The following MUC20 variants were observed in gnomAD, a reference collection of about 807,000 sequenced individuals.
MUC20 encodes the protein mucin 20, cell surface associated.
In MUC20, 14 loss-of-function variants were observed where a neutral mutation model predicts 23.8. That is an observed-to-expected ratio of 0.59 (90% CI 0.39 to 0.92). The LOEUF (loss-of-function observed/expected upper bound fraction) is 0.92. MUC20 is among the 40% of genes least tolerant of loss of function. MUC20 has a pLI of 0.00. For missense variants in MUC20, 375 were observed against 668.8 expected (o/e 0.56, Z 4.85); for synonymous variants, 166 against 279.3 (o/e 0.59, Z 4.04).
chr3:195,722,106 CACCAGAGTGGCA>C (rs1274958208), intron 1 of MUC20: 1 of 379,008 alleles, frequency 2.6e-6, no homozygotes, highest in Non-Finnish European at 3.6e-6. Context: ...CAGCGTCCCC[CACCAGAGTGGCA>C]CATTTGATAG....
chr3:195,728,660 A>T (rs1238333468), intron 2 of MUC20, among the ~76,000 whole-genome samples: 4 of 151,772 alleles, frequency 2.6e-5, no homozygotes, highest in African/African-American at 7.3e-5. Context: ...TTACTAATCC[A>T]CCTCAGCACA....
chr3:195,728,639 G>C, intron 2 of MUC20, among the ~76,000 whole-genome samples: 1 of 52,216 alleles, frequency 1.9e-5, no homozygotes, highest in Non-Finnish European at 5.5e-5. Context: ...ACTGCAAGAG[G>C]AGATCCTCTT....
At chr3:195,726,668 A>C in intron 2 of MUC20, 96 bp downstream of exon 2, 1 of 1,408,166 alleles carries the variant, frequency 7.1e-7, no homozygotes, top group South Asian at 1.4e-5. Flanking sequence ...AAGGATCTGG[A>C]GCCTACTCAG....
intron 2 of MUC20, among the ~76,000 whole-genome samples, chr3:195,727,697 A>C (rs774941945): frequency 4.6e-5 from 7 of 152,294 alleles, no homozygotes; most frequent in Non-Finnish European, 8.8e-5. Flanking sequence ...TTTCACACCC[A>C]GTAAGCACTG....
intron 2 of MUC20, among the ~76,000 whole-genome samples, chr3:195,728,960 G>T (rs1450360760): frequency 6.6e-6 from 1 of 152,276 alleles, no homozygotes; most frequent in Non-Finnish European, 1.5e-5. Flanking sequence ...TGAGCTCAAG[G>T]TTGGGGCAAA....
intron 2 of MUC20, among the ~76,000 whole-genome samples, chr3:195,727,444 A>G (rs1015438824): frequency 2.6e-5 from 4 of 152,282 alleles, no homozygotes; most frequent in Non-Finnish European, 5.9e-5. Flanking sequence ...CTCTGAGGCA[A>G]CAGGGACTTC....
chr3:195,731,320 G>T (rs1210811404), intron 3 of MUC20, among the ~76,000 whole-genome samples: 1 of 152,274 alleles, frequency 6.6e-6, no homozygotes, highest in African/African-American at 2.4e-5. Context: ...CTTATGCCAG[G>T]TGTAGAGTTC....
intron 2 of MUC20, among the ~76,000 whole-genome samples, chr3:195,728,706 G>A (rs1713021407): frequency 6.6e-6 from 1 of 150,888 alleles, no homozygotes; most frequent in South Asian, 2.1e-4. Flanking sequence ...GGACGGTCAG[G>A]TCTTTGTCAT....
Position 195,726,433 on chromosome 3 carries a change from C to T in MUC20, c.1830C>T (p.Val610=), listed in dbSNP as rs1227888131. The change falls in exon 2 of 4, where the codon GTC becomes GTT. Residue 610 remains valine (V), a synonymous_variant. Transcript: ENST00000447234. ...FPTSRDPLPS[V]PPTTTNSSRG... ...CCAGCAGGGACCCTCTTCCTTCTGTCCCTCCGACTACAACCAACAGCAGCC... is the reference window on the plus strand; with the variant it reads ...CCAGCAGGGACCCTCTTCCTTCTGTTCCTCCGACTACAACCAACAGCAGCC... 1.2e-5 allele frequency: 20 copies of T among 1,613,940 alleles called. No homozygotes were observed. In the Admixed American group the frequency reaches 2.2e-4, roughly 17 times the overall value.
chr3:195,728,932 A>G (rs534945830), intron 2 of MUC20, among the ~76,000 whole-genome samples: 280 of 152,310 alleles, frequency 1.8e-3, no homozygotes, highest in African/African-American at 6.6e-3. Flanking sequence ...CCTTGATTTT[A>G]TACAACACAT....
chr3:195,722,377 G>T, intron 1 of MUC20: 1 of 984,750 alleles, frequency 1.0e-6, no homozygotes, highest in Non-Finnish European at 1.2e-6. Flanking sequence ...CACGTGTCCC[G>T]TTAGCTCCAC....
rs779786660 is a variant in MUC20, at chr3:195,726,142, C to T, written c.1539C>T (p.Pro513=). ...NSATEREVTA[P]GATTLSGALV... is the part of the protein sequence containing the mutation. ...CCACAGAAAGAGAAGTGACAGCACC[C>T]GGGGCCACGACCCTCAGTGGAGCTC... The change falls in exon 2 of 4, where the codon CCC becomes CCT. Residue 513 remains proline (P), a synonymous_variant. Transcript: ENST00000447234. The T allele has an allele frequency of 8.7e-6, 14 of 1,608,398 alleles. 1 individual carries two copies. Among genetic ancestry groups the T allele is most frequent in the East Asian group, 2.2e-5 (1 of 44,896 alleles).
intron 3 of MUC20, among the ~76,000 whole-genome samples, chr3:195,732,815 A>G (rs1050143282): frequency 2.6e-5 from 4 of 152,248 alleles, no homozygotes; most frequent in Admixed American, 1.3e-4. Context: ...GGGACAGCCC[A>G]ACAGTTTGGG....
chr3:195,730,121 A>T (rs1308237033), intron 3 of MUC20: 1 of 185,258 alleles, frequency 5.4e-6, no homozygotes, highest in Non-Finnish European at 1.1e-5. Flanking sequence ...AAAAAAAAAA[A>T]AGGCAAGGTC....
At chr3:195,730,099 CAAAAA>C (rs4036961) in intron 3 of MUC20, 362 of 93,112 alleles carry the variant, frequency 3.9e-3, no homozygotes, top group Non-Finnish European at 4.6e-3. Flanking sequence ...GCAGTTTATG[CAAAAA>C]AAAAAAAAAA....
intron 3 of MUC20, chr3:195,730,236 C>T (rs922348202): frequency 6.4e-6 from 1 of 157,456 alleles, no homozygotes; most frequent in African/African-American, 2.4e-5. Flanking sequence ...GCTTTACTCC[C>T]TTCATTCTTC....
At chr3:195,732,474 C>T (rs1273508441) in intron 3 of MUC20, among the ~76,000 whole-genome samples, 1 of 152,242 alleles carries the variant, frequency 6.6e-6, no homozygotes, top group African/African-American at 2.4e-5. Context: ...ATTCTCCTGC[C>T]TCAACCTCCC....
intron 3 of MUC20, among the ~76,000 whole-genome samples, chr3:195,731,627 G>A (rs1385599420): frequency 1.3e-5 from 2 of 152,266 alleles, no homozygotes; most frequent in African/African-American, 2.4e-5. Context: ...CAGCCAAGGG[G>A]CATCACGTGG....
At chr3:195,727,101 T>G (rs1168230892) in intron 2 of MUC20, among the ~76,000 whole-genome samples, 2 of 152,262 alleles carry the variant, frequency 1.3e-5, no homozygotes, top group African/African-American at 2.4e-5. Flanking sequence ...GATAGTGACT[T>G]AAAATAAATT....
Sources: allele counts gnomAD v4.1 joint callset (sites outside exome capture counted in the v4.1 genomes callset), GRCh38; gene constraint gnomAD v4.1.1; transcripts MANE v1.5; gene names NCBI Gene and HGNC (gene_info 2026-07-23, HGNC 2026-07-21).